The following TENM2 variants were observed in gnomAD, a reference collection of about 807,000 sequenced individuals.
TENM2 encodes the protein teneurin transmembrane protein 2, also known as teneurin-2.
A neutral mutation model predicts 245.2 loss-of-function variants in TENM2; 52 were observed. The ratio of observed to expected loss-of-function variants is 0.21; its 90% confidence interval spans 0.17 to 0.27. The LOEUF is 0.27. TENM2 is among the 10% of genes least tolerant of loss of function. The probability of loss-of-function intolerance (pLI) is 1.00; values close to 1 mark genes in which losing one functional copy is unlikely to be tolerated. For synonymous variants in TENM2, 1,363 were observed against 1,438.9 expected (o/e 0.95, Z 1.19); for missense variants, 3,046 against 3,666.8 (o/e 0.83, Z 4.37).
chr5:167,256,890 A>G, the TENM2 span, among the ~76,000 whole-genome samples: 1 of 152,186 alleles, frequency 6.6e-6, no homozygotes, highest in Non-Finnish European at 1.5e-5. Flanking sequence ...GATATGGGGA[A>G]GATCAAGTGG....
At chr5:167,499,605 C>T (rs1399843794) in intron 2 of TENM2, among the ~76,000 whole-genome samples, 3 of 151,992 alleles carry the variant, frequency 2.0e-5, no homozygotes, top group Non-Finnish European at 4.4e-5. Context: ...TTTAAAATTC[C>T]CATGGAAGAA....
rs1170318631 is a variant in TENM2, at chr5:168,243,937, G to GTTT, written c.5521-465_5521-463dup. On this transcript the variant is annotated intron_variant, in intron 25 of 28. Transcript: ENST00000518659. ...AAATACTACCATTTTCTTTTCTTTG[G>GTTT]TTTTTTTTTTTTTTTTTTTTAAGAT... 1.7e-3 allele frequency among the ~76,000 whole-genome samples: 212 copies of GTTT among 125,508 alleles called. 5 individuals carry two copies. The highest frequency in any genetic ancestry group is 4.6e-3 in the African/African-American group (156 of 33,946). The allele number at this position is 125,508 out of a possible 152,430, so 82.3% of individuals were successfully genotyped here.
At chr5:167,610,468 C>G (rs1421227579) in intron 2 of TENM2, among the ~76,000 whole-genome samples, 2 of 152,132 alleles carry the variant, frequency 1.3e-5, no homozygotes, top group African/African-American at 2.4e-5. Context: ...CATCCTGAAA[C>G]AATCTAGGGG....
chr5:168,149,503 G>A (rs1031280904), intron 12 of TENM2: 4 of 392,912 alleles, frequency 1.0e-5, no homozygotes, highest in Admixed American at 8.0e-5. Context: ...CCTTTCCGAG[G>A]CATGTTAGGA....
At chr5:167,359,314 C>G (rs964577038) in intron 1 of TENM2, among the ~76,000 whole-genome samples, 18 of 152,152 alleles carry the variant, frequency 1.2e-4, no homozygotes, top group African/African-American at 4.1e-4. Context: ...ACAAAGTCCC[C>G]CTTGCTCTTC....
chr5:167,192,943 G>A, the TENM2 span, among the ~76,000 whole-genome samples: 1 of 152,020 alleles, frequency 6.6e-6, no homozygotes, highest in African/African-American at 2.4e-5. Context: ...TAAGGAGGGA[G>A]GCAGCAGAGA....
intron 1 of TENM2, among the ~76,000 whole-genome samples, chr5:167,290,218 A>G (rs989455636): frequency 6.6e-6 from 1 of 152,186 alleles, no homozygotes; most frequent in African/African-American, 2.4e-5. Context: ...GAAAAGAGTA[A>G]TGAATGAAGA....
chr5:167,627,483 A>G (rs1388431255), intron 2 of TENM2, among the ~76,000 whole-genome samples: 1 of 152,070 alleles, frequency 6.6e-6, no homozygotes. Flanking sequence ...TGTATATTTG[A>G]TACACCCCAG....
intron 6 of TENM2, among the ~76,000 whole-genome samples, chr5:168,060,075 T>C (rs1789901604): frequency 6.6e-6 from 1 of 151,998 alleles, no homozygotes; most frequent in Non-Finnish European, 1.5e-5. Context: ...TCAGTATCCA[T>C]TAGAAAAGTT....
chr5:167,137,664 C>T, the TENM2 span, among the ~76,000 whole-genome samples: 2 of 152,152 alleles, frequency 1.3e-5, no homozygotes, highest in Non-Finnish European at 2.9e-5. Flanking sequence ...ATAATTGCAG[C>T]TCATACTAAC....
intron 2 of TENM2, among the ~76,000 whole-genome samples, chr5:167,457,332 ATTTTATTTTATTT>A (rs1306927810): frequency 7.4e-6 from 1 of 134,866 alleles, no homozygotes; most frequent in Non-Finnish European, 1.6e-5. Flanking sequence ...ATTTTATTTT[ATTTTATTTTATTT>A]TATTTTTAGA....
intron 6 of TENM2, among the ~76,000 whole-genome samples, chr5:168,055,980 A>G (rs12657034): frequency 0.17 from 25,356 of 152,198 alleles, 2,592 homozygotes; most frequent in Admixed American, 0.28. Flanking sequence ...TAGGCATTAG[A>G]CATTTTAAGA....
the TENM2 span, among the ~76,000 whole-genome samples, chr5:167,200,743 A>G: frequency 3.3e-5 from 5 of 152,146 alleles, no homozygotes; most frequent in African/African-American, 7.2e-5. Flanking sequence ...CAGTAGCCCA[A>G]CTTTCACAGA....
intron 2 of TENM2, among the ~76,000 whole-genome samples, chr5:167,555,216 C>T (rs189879621): frequency 1.2e-4 from 18 of 152,280 alleles, no homozygotes; most frequent in African/African-American, 4.1e-4. Flanking sequence ...CTGGCTACGA[C>T]AACCAAACAC....
the TENM2 span, among the ~76,000 whole-genome samples, chr5:167,244,762 G>T: frequency 6.6e-6 from 1 of 152,246 alleles, no homozygotes; most frequent in East Asian, 1.9e-4. Context: ...CTCCCAAGGG[G>T]TAGAGAGCCT....
intron 12 of TENM2, among the ~76,000 whole-genome samples, chr5:168,160,943 A>T (rs1490089280): frequency 6.6e-6 from 1 of 152,102 alleles, no homozygotes; most frequent in Non-Finnish European, 1.5e-5. Flanking sequence ...AAGCAGGAGG[A>T]TCACTCAAGC....
chr5:167,415,407 T>TA (rs1336136230), intron 2 of TENM2, among the ~76,000 whole-genome samples: 2 of 152,294 alleles, frequency 1.3e-5, no homozygotes, highest in East Asian at 3.9e-4. Context: ...TAAATTAACT[T>TA]ATTACTCTTC....
At chr5:167,890,528 A>T (rs1381261138) in intron 3 of TENM2, among the ~76,000 whole-genome samples, 1 of 152,170 alleles carries the variant, frequency 6.6e-6, no homozygotes, top group African/African-American at 2.4e-5. Context: ...TTTTAAAATT[A>T]TGCTTTATTT....
the TENM2 span, among the ~76,000 whole-genome samples, chr5:167,213,345 G>A: frequency 1.3e-5 from 2 of 152,184 alleles, no homozygotes; most frequent in Admixed American, 6.5e-5. Context: ...CAAGATGGGT[G>A]TCTGGTGGGG....
Sources: allele counts gnomAD v4.1 joint callset (sites outside exome capture counted in the v4.1 genomes callset), GRCh38; gene constraint gnomAD v4.1.1; transcripts MANE v1.5; gene names NCBI Gene and HGNC (gene_info 2026-07-23, HGNC 2026-07-21).